The following NCL variants were observed in gnomAD, a reference collection of about 807,000 sequenced individuals.
NCL encodes nucleolin multifunctional protein.
In NCL, 4 loss-of-function variants were observed where a neutral mutation model predicts 77.7. The ratio of observed to expected loss-of-function variants is 0.05; its 90% CI spans 0.03 to 0.12. The LOEUF (loss-of-function observed/expected upper bound fraction) is 0.12, where lower values mean the gene tolerates loss of function less well. Ranked by LOEUF, NCL falls within the 10% of genes least tolerant of loss-of-function variation. NCL has a pLI of 1.00. For synonymous variants in NCL, 344 were observed against 297.8 expected, an observed-to-expected ratio of 1.16 and a Z score of -1.60; for missense variants, 763 against 860.9, an observed-to-expected ratio of 0.89 and a Z score of 1.42.
intron 9 of NCL, chr2:231,457,434 T>TATTCCAATGCAAAATG: frequency 1.3e-6 from 1 of 751,384 alleles, no homozygotes; most frequent in Non-Finnish European, 2.4e-6. Flanking sequence ...TTGCCTACTG[T>TATTCCAATGCAAAATG]ATTCCAATGC....
chr2:231,460,337 A>G (rs759904617), intron 5 of NCL, 44 bp from the exon 6 acceptor site: 2 of 1,613,972 alleles, frequency 1.2e-6, no homozygotes, highest in South Asian at 2.2e-5. Context: ...AGTGTGGTAA[A>G]AAGTTAGTTT....
chr2:231,457,873 G>A (rs190002914), intron 8 of NCL, 73 bp from the exon 9 acceptor site: 1 of 1,362,826 alleles, frequency 7.3e-7, no homozygotes, highest in Admixed American at 2.3e-5. Context: ...CAGCAACACA[G>A]AACTTGCTTC....
rs778335122 is a variant in NCL at position 231,461,777 on chromosome 2, CCTT to C, written c.373_375del (p.Lys125del). On this transcript the variant is annotated inframe_deletion, in exon 3 of 14. Coordinates refer to ENST00000322723, the MANE Select transcript of NCL (RefSeq NM_005381.3). ...GCCCCCTTGGCTGGGATGGCAGCACCCTTCTTACCAGGAGTTGCTACCAATGCT... is the reference window on the plus strand; with the variant it reads ...GCCCCCTTGGCTGGGATGGCAGCACCCTTACCAGGAGTTGCTACCAATGCT... 3 of 1,614,240 alleles carry C rather than the reference CCTT, an allele frequency of 1.9e-6. No homozygotes were observed. The highest frequency in any genetic ancestry group is 2.5e-6 in the Non-Finnish European group (3 of 1,180,044).
In NCL at chr2:231,461,461, G is replaced by A. The variant is rs933928323; in HGVS notation, c.613+79C>T. The stretch of plus-strand genomic sequence containing the variant: ...ATTCTAATCTCATCTCCAGGTTGTC[G>A]TGGAAGGAATATGTTGATCCCAGAA... On this transcript the variant is annotated intron_variant, in intron 3 of 13. Transcript: ENST00000322723. 30 of 1,548,702 alleles carry A rather than the reference G, an allele frequency of 1.9e-5. No homozygotes were observed. In the Admixed American group the frequency reaches 3.6e-4, roughly 19 times the overall value.
At chr2:231,455,357 G>C (rs952521449) in intron 13 of NCL, 44 bp downstream of exon 13, 1 of 1,613,320 alleles carries the variant, frequency 6.2e-7, no homozygotes, top group African/African-American at 1.3e-5. Context: ...CACAGGGTCT[G>C]AAGAGCACAT....
intron 1 of NCL, 84 bp downstream of exon 1, chr2:231,464,252 G>A: frequency 2.6e-6 from 4 of 1,530,202 alleles, no homozygotes; most frequent in Non-Finnish European, 2.7e-6. Flanking sequence ...CCGGGACTGC[G>A]CGCAGGCCCT....
Position 231,461,842 on chromosome 2 carries a change from A to G in NCL, c.311T>C (p.Val104Ala), listed in dbSNP as rs1218082361. ...GGCTCCCTTCTTGCCAGGTGTGGTA[A>G]CTGCTTTGGCTGGTGTAACTGTCTT... ...AKKTVTPAKA[V>A]TTPGKKGATP... Residue 104 changes from valine to alanine, a missense_variant, in exon 3 of 14, where the codon GTT (valine) becomes GCT (alanine). Coordinates refer to ENST00000322723, the MANE Select transcript of NCL (RefSeq NM_005381.3). 8 of 1,613,460 alleles carry G rather than the reference A, an allele frequency of 5.0e-6. No homozygotes were observed. Among genetic ancestry groups the G allele is most frequent in the Non-Finnish European group, 6.8e-6 (8 of 1,179,958 alleles).
rs537836547 is a variant in NCL at position 231,460,787 on chromosome 2, G to A, written c.693C>T (p.Asn231=). Reference sequence around the variant, plus strand: ...CTTCTTCATCTTCATCCTCAGCCACGTTCTTGGCTTTCACAGGAACAACTT... The same window carrying A: ...CTTCTTCATCTTCATCCTCAGCCACATTCTTGGCTTTCACAGGAACAACTT... ...AAKVVPVKAK[N]VAEDEDEEED... The change falls in exon 4 of 14, where the codon AAC becomes AAT. Residue 231 remains asparagine (N), a synonymous_variant. Transcript: ENST00000322723. The A allele has an allele frequency of 1.6e-5, 26 of 1,613,882 alleles. No homozygotes were observed. Among genetic ancestry groups the A allele is most frequent in the African/African-American group, 5.3e-5 (4 of 74,918 alleles).
chr2:231,458,971 C>T (rs781197823), intron 7 of NCL, 30 bp downstream of exon 7: 3 of 1,521,706 alleles, frequency 2.0e-6, no homozygotes, highest in South Asian at 1.3e-5. Context: ...CTCCTGAGTT[C>T]ATTGCATAAT....
chr2:231,460,377 CAG>C (rs2046935523), intron 5 of NCL, 84 bp from the exon 6 acceptor site: 1 of 1,593,028 alleles, frequency 6.3e-7, no homozygotes, highest in South Asian at 1.1e-5. Flanking sequence ...CACAGCACAT[CAG>C]CACACTACAA....
intron 6 of NCL, among the ~76,000 whole-genome samples, chr2:231,459,415 G>A (rs1166988877): frequency 6.6e-6 from 1 of 152,146 alleles, no homozygotes; most frequent in Non-Finnish European, 1.5e-5. Context: ...ACTAATACAG[G>A]AGAATCCTGT....
chr2:231,462,152 A>G, intron 2 of NCL, 135 bp from the exon 3 acceptor site: 1 of 1,144,108 alleles, frequency 8.7e-7, no homozygotes, highest in East Asian at 2.3e-5. Flanking sequence ...TAGCATGTTA[A>G]ACTCCAGGCT....
At chr2:231,460,335 A>C (rs1400141628) in intron 5 of NCL, 42 bp from the exon 6 acceptor site, 1 of 1,613,868 alleles carries the variant, frequency 6.2e-7, no homozygotes, top group Non-Finnish European at 8.5e-7. Flanking sequence ...GTAGTGTGGT[A>C]AAAAGTTAGT....
chr2:231,460,040 A>C (rs1345524401), intron 6 of NCL, 112 bp downstream of exon 6: 3 of 1,208,782 alleles, frequency 2.5e-6, no homozygotes, highest in Admixed American at 4.7e-5. Flanking sequence ...TAATCCTTGA[A>C]GATGTTTACA....
Position 231,453,904 on chromosome 2 carries a change from A to AC in NCL, c.*1286dup, listed in dbSNP as rs1461450411. 6.6e-6 allele frequency: 1 copy of AC among 152,236 alleles called. No homozygotes were observed. The highest frequency in any genetic ancestry group is 1.5e-5 in the Non-Finnish European group (1 of 68,048). 9.4% of individuals were successfully genotyped at this position (152,236 alleles called of 1,614,324 possible). On this transcript the variant is annotated 3_prime_UTR_variant, in exon 14 of 14. Coordinates refer to ENST00000322723, the MANE Select transcript of NCL (RefSeq NM_005381.3). ...CTAGAACAGGTTTTTGGACTTGGCT[A>AC]CCTACATTGATTTTGGGCACTGGGT...
rs769684387 is a variant in NCL, at chr2:231,456,155, T to A, written c.1706-19A>T. 4 of 1,568,066 alleles carry A rather than the reference T, an allele frequency of 2.6e-6. No individual in the cohort carries two copies. Among genetic ancestry groups the A allele is most frequent in the African/African-American group, 2.7e-5 (2 of 72,788 alleles). On this transcript the variant is annotated intron_variant, in intron 11 of 13. Transcript: ENST00000322723. ...GATGGCTCTGGGAAGGAAAAAAAAA[T>A]GTGACTTTATGTGAAGTCACAGTTC...
chr2:231,463,100 C>G, intron 2 of NCL, 100 bp downstream of exon 2: 1 of 850,644 alleles, frequency 1.2e-6, no homozygotes, highest in South Asian at 1.6e-5. Flanking sequence ...TAAGACATAC[C>G]TGAATAAAAT....
At chr2:231,456,907 T>G (rs1038122678) in intron 10 of NCL, 94 bp downstream of exon 10, 4 of 1,561,872 alleles carry the variant, frequency 2.6e-6, no homozygotes, top group African/African-American at 2.7e-5. Flanking sequence ...CTAAAATTAT[T>G]TGGCTTTTCT....
At position 231,455,259 on chromosome 2, in the gene NCL, C is replaced by T. The variant is rs369100257; in HGVS notation, c.2065G>A (p.Gly689Ser). 4.3e-5 allele frequency: 70 copies of T among 1,614,200 alleles called. No homozygotes were observed. The African/African-American group carries it at 8.8e-4, about 20-fold the overall frequency. The change falls in exon 14 of 14, where the codon GGC (glycine) becomes AGC (serine). Residue 689 changes from glycine to serine, a missense_variant. By Grantham distance (56) the Gly-to-Ser change is moderately conservative (BLOSUM62 0). Around this residue, in one of 2 missense-constraint regions of NCL, gnomAD observed 173 missense variants for 290.4 expected, o/e 0.60. Transcript: ENST00000322723. ...RGRGGFGGRG[G>S]FRGGRGGGGD... ...CCTCCTCCTCTGCCTCCTCGGAAGC[C>T]TCCTCGCCCTACAGGAGGAAGGCAA...
Sources: allele counts gnomAD v4.1 joint callset (sites outside exome capture counted in the v4.1 genomes callset), GRCh38; gene constraint gnomAD v4.1.1; regional missense constraint gnomAD v4.1.1; transcripts MANE v1.5; gene names NCBI Gene and HGNC (gene_info 2026-07-23, HGNC 2026-07-21).